CACNG2: variants seen among roughly 807,000 people sequenced by gnomAD.
CACNG2 encodes the protein voltage-dependent calcium channel gamma-2 subunit.
In CACNG2, 3 loss-of-function variants were observed where a neutral mutation model predicts 25.9. That is an observed-to-expected ratio of 0.12 (90% CI 0.05 to 0.30). CACNG2 has a LOEUF of 0.30. Among genes scored for constraint, CACNG2 ranks in the 10% least tolerant of loss-of-function variants. CACNG2 has a pLI of 1.00. For synonymous variants in CACNG2, 167 were observed against 173.3 expected (o/e 0.96, Z 0.29); for missense variants, 341 against 432.5 (o/e 0.79, Z 1.88).
chr22:36,689,858 G>A (rs1254713855), intron 1 of CACNG2, among the ~76,000 whole-genome samples: 1 of 152,238 alleles, frequency 6.6e-6, no homozygotes, highest in African/African-American at 2.4e-5. Context: ...GCCTCTGAAA[G>A]GAAGCTGCCA....
At chr22:36,654,578 A>G (rs1936676519) in intron 1 of CACNG2, among the ~76,000 whole-genome samples, 1 of 152,122 alleles carries the variant, frequency 6.6e-6, no homozygotes, top group Non-Finnish European at 1.5e-5. Context: ...TCATTATGAC[A>G]CTGCTCTTTG....
At chr22:36,668,450 C>T (rs1035255183) in intron 1 of CACNG2, among the ~76,000 whole-genome samples, 2 of 151,926 alleles carry the variant, frequency 1.3e-5, no homozygotes, top group Admixed American at 6.6e-5. Flanking sequence ...GCTGGTGGTG[C>T]GATTTGGTCT....
intron 1 of CACNG2, among the ~76,000 whole-genome samples, chr22:36,660,092 C>T (rs1158521462): frequency 6.6e-6 from 1 of 152,268 alleles, no homozygotes; most frequent in Non-Finnish European, 1.5e-5. Context: ...CTCTCATTCC[C>T]TGGCACAGAC....
At position 36,586,112 on chromosome 22, in the gene CACNG2, C is replaced by T. The variant is rs528330922; in HGVS notation, c.295+1353G>A. Among the ~76,000 whole-genome samples, 7 of 152,380 alleles carry T rather than the reference C, an allele frequency of 4.6e-5. No homozygotes were observed. In the South Asian group the frequency reaches 1.4e-3, roughly 32 times the overall value. ...TTCTACATTCAGGCCTCACCTCTGC[C>T]ATGCTGTGTCTCCCAAGTTGAGCTG... On this transcript the variant is annotated intron_variant, in intron 2 of 3. Coordinates refer to ENST00000300105, the MANE Select transcript of CACNG2 (RefSeq NM_006078.5).
intron 1 of CACNG2, among the ~76,000 whole-genome samples, chr22:36,677,036 C>T (rs1937029220): frequency 6.6e-6 from 1 of 151,560 alleles, no homozygotes; most frequent in Admixed American, 6.6e-5. Flanking sequence ...TCGGTGTCAC[C>T]TCTACTCTTC....
Position 36,606,837 on chromosome 22 carries a change from C to CTG in CACNG2, c.212-19291_212-19290dup, listed in dbSNP as rs149028841. 0.06 allele frequency among the ~76,000 whole-genome samples: 8,938 copies of CTG among 148,282 alleles called. 641 individuals carry two copies. The highest frequency in any genetic ancestry group is 0.18 in the African/African-American group (7,082 of 40,020). Reference sequence around the variant, plus strand: ...GTGTGATGTGTGTGTCTGTGGGTCTCTGTGTGTGTGTATGTATGTGTACGT... The same window carrying CTG: ...GTGTGATGTGTGTGTCTGTGGGTCTCTGTGTGTGTGTGTATGTATGTGTACGT... On this transcript the variant is annotated intron_variant, in intron 1 of 3. Transcript: ENST00000300105. The surrounding 1 kb of genome is among the most constrained non-coding windows in gnomAD (Gnocchi z 5.7).
At chr22:36,593,657 G>A (rs966850805) in intron 1 of CACNG2, among the ~76,000 whole-genome samples, 2 of 152,156 alleles carry the variant, frequency 1.3e-5, no homozygotes, top group Admixed American at 1.3e-4. Context: ...GGGGGAGTTA[G>A]AGATCCAGCC....
intron 1 of CACNG2, among the ~76,000 whole-genome samples, chr22:36,655,171 T>A (rs570098081): frequency 3.9e-4 from 60 of 152,340 alleles, no homozygotes; most frequent in Admixed American, 8.5e-4. Context: ...AATTCCTTTA[T>A]AATTATTCTT....
At chr22:36,632,175 CT>C (rs201126628) in intron 1 of CACNG2, among the ~76,000 whole-genome samples, 3 of 151,116 alleles carry the variant, frequency 2.0e-5, no homozygotes, top group Non-Finnish European at 4.4e-5. Flanking sequence ...TATTTTCTGA[CT>C]TTTTTTTTTA....
intron 2 of CACNG2, among the ~76,000 whole-genome samples, chr22:36,579,709 G>A (rs1223797266): frequency 2.6e-5 from 4 of 152,184 alleles, no homozygotes. Context: ...CCCCTCGTCT[G>A]CTTATCACAG....
chr22:36,689,409 A>G (rs985636060), intron 1 of CACNG2, among the ~76,000 whole-genome samples: 1 of 152,174 alleles, frequency 6.6e-6, no homozygotes, highest in Non-Finnish European at 1.5e-5. Flanking sequence ...AGAAAATAAA[A>G]TCGGCAAGAG....
intron 1 of CACNG2, among the ~76,000 whole-genome samples, chr22:36,652,520 C>T (rs1454777221): frequency 6.6e-6 from 1 of 152,212 alleles, no homozygotes; most frequent in Non-Finnish European, 1.5e-5. Flanking sequence ...ACCCTCAGGC[C>T]TCAGGCTCTT....
intron 1 of CACNG2, among the ~76,000 whole-genome samples, chr22:36,630,032 G>A (rs1046987640): frequency 2.0e-5 from 3 of 152,182 alleles, no homozygotes; most frequent in South Asian, 4.1e-4. Flanking sequence ...TTGGGGAGAG[G>A]GAACAGCAAG....
rs142179335 is a variant in CACNG2 at position 36,562,197 on chromosome 22, G to GGTGT, written c.*2150_*2153dup. 3.3e-3 allele frequency: 504 copies of GGTGT among 151,398 alleles called. 3 individuals carry two copies. The highest frequency in any genetic ancestry group is 0.012 in the African/African-American group (476 of 41,208). 9.4% of individuals were successfully genotyped at this position (151,398 alleles called of 1,614,324 possible). ...CGGGGAGCACAGTGAGGAGGTATAT[G>GGTGT]GTGTGTGTGTGTGTGTGTGTCTGAG... On this transcript the variant is annotated 3_prime_UTR_variant, in exon 4 of 4. Transcript: ENST00000300105.
At chr22:36,629,545 A>T (rs738973) in intron 1 of CACNG2, among the ~76,000 whole-genome samples, 89,633 of 148,884 alleles carry the variant, frequency 0.6, 27,259 homozygotes, top group Non-Finnish European at 0.67. Flanking sequence ...TGTGTGTGTG[A>T]GAGAGAGAGA....
chr22:36,653,446 C>T (rs1444385037), intron 1 of CACNG2, among the ~76,000 whole-genome samples: 1 of 126,504 alleles, frequency 7.9e-6, no homozygotes, highest in Non-Finnish European at 1.5e-5. Context: ...GACCTTAGTT[C>T]TGCAGTGCCT....
intron 2 of CACNG2, among the ~76,000 whole-genome samples, chr22:36,582,598 G>A (rs1472826081): frequency 1.3e-5 from 2 of 150,576 alleles, no homozygotes; most frequent in Non-Finnish European, 3.0e-5. Context: ...TAGTAGAGAC[G>A]GGGTTTCTCC....
chr22:36,658,588 T>C (rs1936741870), intron 1 of CACNG2, among the ~76,000 whole-genome samples: 1 of 152,226 alleles, frequency 6.6e-6, no homozygotes. Flanking sequence ...AAGCCTGTCT[T>C]CCTCATCCAT....
chr22:36,628,080 A>G (rs1936211373), intron 1 of CACNG2, among the ~76,000 whole-genome samples: 1 of 152,234 alleles, frequency 6.6e-6, no homozygotes, highest in Non-Finnish European at 1.5e-5. Flanking sequence ...AAATGTTACC[A>G]ATGATTATTT....
Sources: gnomAD v4.1 joint callset for allele counts (sites outside exome capture counted in the v4.1 genomes callset) on GRCh38, gnomAD v4.1.1 for gene constraint, Gnocchi (gnomAD v3.1) non-coding constraint, MANE v1.5 for transcripts, NCBI Gene and HGNC (gene_info 2026-07-23, HGNC 2026-07-21) for gene names.